Variants in REEP1 observed in about 807,000 individuals in gnomAD.
REEP1 encodes the protein receptor accessory protein 1.
In REEP1, 22 loss-of-function variants were observed where a neutral mutation model predicts 40.3. The observed-to-expected ratio is 0.55, with a 90% CI of 0.39 to 0.78. The LOEUF is 0.78. Among genes scored for constraint, REEP1 ranks in the 30% least tolerant of loss-of-function variants. The probability of loss-of-function intolerance (pLI) is 0.00; values close to 1 mark genes in which losing one functional copy is unlikely to be tolerated. For synonymous variants in REEP1, 116 were observed against 139.2 expected, an observed-to-expected ratio of 0.83 and a Z score of 1.17; for missense variants, 280 against 361.1, an observed-to-expected ratio of 0.78 and a Z score of 1.82.
At chr2:86,277,232 G>C (rs559224005) in intron 2 of REEP1, among the ~76,000 whole-genome samples, 4 of 152,122 alleles carry the variant, frequency 2.6e-5, no homozygotes, top group Admixed American at 2.6e-4. Flanking sequence ...CCTTGGGGGG[G>C]CCTCCTAGTA....
At chr2:86,335,283 T>C (rs1166589731) in intron 1 of REEP1, among the ~76,000 whole-genome samples, 1 of 152,228 alleles carries the variant, frequency 6.6e-6, no homozygotes, top group Non-Finnish European at 1.5e-5. Flanking sequence ...TTAAAAATGA[T>C]GTTCATAACT....
chr2:86,322,582 C>G (rs1181303660), intron 1 of REEP1, among the ~76,000 whole-genome samples: 1 of 152,040 alleles, frequency 6.6e-6, no homozygotes, highest in Non-Finnish European at 1.5e-5. Context: ...TCCCAAGTAA[C>G]TGGGACCACA....
At chr2:86,320,243 TA>T (rs1390299273) in intron 1 of REEP1, among the ~76,000 whole-genome samples, 2 of 152,240 alleles carry the variant, frequency 1.3e-5, no homozygotes, top group African/African-American at 2.4e-5. Flanking sequence ...TTGTAACCAC[TA>T]ACCTCATCCT....
chr2:86,240,355 A>C (rs1447497124), intron 5 of REEP1, among the ~76,000 whole-genome samples: 1 of 152,238 alleles, frequency 6.6e-6, no homozygotes, highest in Non-Finnish European at 1.5e-5. Context: ...GACAAAGATG[A>C]CCAACATCAT....
At chr2:86,269,429 T>C (rs1677317076) in intron 2 of REEP1, among the ~76,000 whole-genome samples, 1 of 152,228 alleles carries the variant, frequency 6.6e-6, no homozygotes, top group Non-Finnish European at 1.5e-5. Flanking sequence ...TATAACACTT[T>C]ATGGCATTCA....
intron 3 of REEP1, among the ~76,000 whole-genome samples, chr2:86,260,585 C>G (rs1448362738): frequency 6.6e-6 from 1 of 152,158 alleles, no homozygotes; most frequent in African/African-American, 2.4e-5. Flanking sequence ...CAGAGATCCT[C>G]CCTAACTGGT....
chr2:86,226,652 T>C (rs1169897673), intron 7 of REEP1, among the ~76,000 whole-genome samples: 9 of 143,024 alleles, frequency 6.3e-5, no homozygotes, highest in Non-Finnish European at 1.4e-4. Context: ...TTTTTAATTG[T>C]AGAGATTAAT....
At chr2:86,309,471 C>T (rs1287157006) in intron 1 of REEP1, among the ~76,000 whole-genome samples, 4 of 152,268 alleles carry the variant, frequency 2.6e-5, no homozygotes, top group Non-Finnish European at 5.9e-5. Flanking sequence ...CTTCACACCT[C>T]TTGACTCTTA....
chr2:86,230,880 A>T (rs1321125504), intron 6 of REEP1, among the ~76,000 whole-genome samples: 4 of 152,192 alleles, frequency 2.6e-5, no homozygotes, highest in African/African-American at 9.7e-5. Flanking sequence ...TCTGGGTTTT[A>T]CTGAATTGAG....
At chr2:86,290,398 TA>T (rs1678632327) in intron 1 of REEP1, among the ~76,000 whole-genome samples, 1 of 152,098 alleles carries the variant, frequency 6.6e-6, no homozygotes, top group Non-Finnish European at 1.5e-5. Flanking sequence ...AACTCAGAAT[TA>T]AAACCCACAC....
intron 1 of REEP1, among the ~76,000 whole-genome samples, chr2:86,330,414 G>GGTGTGTGTGTGTGTGT (rs55660803): frequency 1.0e-4 from 13 of 127,880 alleles, no homozygotes; most frequent in East Asian, 5.0e-4. Context: ...AGTGAATCCT[G>GGTGTGTGTGTGTGTGT]GTGTGTGTGT....
At chr2:86,278,498 G>T (rs1472053571) in intron 2 of REEP1, among the ~76,000 whole-genome samples, 2 of 152,200 alleles carry the variant, frequency 1.3e-5, no homozygotes, top group Non-Finnish European at 2.9e-5. Flanking sequence ...CTTGTTGGAA[G>T]CTTGTTTTTA....
At chr2:86,308,908 A>G (rs1203882217) in intron 1 of REEP1, among the ~76,000 whole-genome samples, 1 of 152,136 alleles carries the variant, frequency 6.6e-6, no homozygotes, top group African/African-American at 2.4e-5. Context: ...ACAGTCTAGA[A>G]CTAGGGACTG....
intron 1 of REEP1, among the ~76,000 whole-genome samples, chr2:86,312,987 CCTT>C (rs889687874): frequency 1.1e-4 from 16 of 151,924 alleles, no homozygotes; most frequent in Non-Finnish European, 2.1e-4. Flanking sequence ...TAGCTACCAT[CCTT>C]CTTCTTCTGC....
intron 1 of REEP1, among the ~76,000 whole-genome samples, chr2:86,293,648 C>A (rs989272330): frequency 6.6e-6 from 1 of 152,170 alleles, no homozygotes; most frequent in Non-Finnish European, 1.5e-5. Flanking sequence ...TCAAATTATA[C>A]AGGAAAGTTC....
intron 1 of REEP1, among the ~76,000 whole-genome samples, chr2:86,308,056 A>C (rs1679585506): frequency 6.6e-6 from 1 of 152,224 alleles, no homozygotes; most frequent in African/African-American, 2.4e-5. Flanking sequence ...CCTATCATAC[A>C]GCTCAGAGAA....
At chr2:86,318,494 G>T (rs1442455062) in intron 1 of REEP1, among the ~76,000 whole-genome samples, 1 of 151,176 alleles carries the variant, frequency 6.6e-6, no homozygotes, top group African/African-American at 2.4e-5. Flanking sequence ...CGCCTCCCGG[G>T]TTCAAGCAAT....
chr2:86,265,887 A>G (rs567935148), intron 2 of REEP1, among the ~76,000 whole-genome samples: 1 of 152,350 alleles, frequency 6.6e-6, no homozygotes, highest in South Asian at 2.1e-4. Context: ...CTTCATCACT[A>G]TGTAATATAT....
chr2:86,246,162 T>C (rs1046756409), intron 5 of REEP1, among the ~76,000 whole-genome samples: 1 of 152,214 alleles, frequency 6.6e-6, no homozygotes, highest in African/African-American at 2.4e-5. Context: ...AAAAGGTATA[T>C]ACTTCAAATC....
Sources: gnomAD v4.1 joint callset for allele counts (sites outside exome capture counted in the v4.1 genomes callset) on GRCh38, gnomAD v4.1.1 for gene constraint, MANE v1.5 for transcripts, NCBI Gene and HGNC (gene_info 2026-07-23, HGNC 2026-07-21) for gene names.